FIP1L1: variants seen among roughly 807,000 people sequenced by gnomAD.
FIP1L1 encodes the protein factor interacting with PAPOLA and CPSF1.
Under a neutral mutation model 84.6 loss-of-function variants are expected in FIP1L1, and 21 were observed. The observed-to-expected ratio is 0.25, with a 90% CI of 0.18 to 0.36. The LOEUF (loss-of-function observed/expected upper bound fraction) is 0.36, where lower values mean the gene tolerates loss of function less well. Among genes scored for constraint, FIP1L1 ranks in the 10% least tolerant of loss-of-function variants. FIP1L1 has a pLI of 1.00. For missense variants in FIP1L1, 526 were observed against 751.1 expected (o/e 0.70, Z 3.50); for synonymous variants, 263 against 242.3 (o/e 1.09, Z -0.80).
chr4:53,379,744 T>A (rs1736779254), intron 3 of FIP1L1, among the ~76,000 whole-genome samples: 1 of 152,230 alleles, frequency 6.6e-6, no homozygotes, highest in Admixed American at 6.5e-5. Context: ...GTTATAAGGT[T>A]GATTTCTTTG....
chr4:53,401,818 G>A (rs148851401), intron 10 of FIP1L1, among the ~76,000 whole-genome samples: 1 of 152,318 alleles, frequency 6.6e-6, no homozygotes, highest in African/African-American at 2.4e-5. Context: ...GGAAATTTGA[G>A]TAGGAAGTTG....
chr4:53,446,298 A>T (rs764459696), intron 15 of FIP1L1, among the ~76,000 whole-genome samples: 1 of 152,166 alleles, frequency 6.6e-6, no homozygotes, highest in South Asian at 2.1e-4. Context: ...TCAGCCATTA[A>T]ATGGACAGCT....
At chr4:53,432,421 A>G (rs1471766692) in intron 13 of FIP1L1, among the ~76,000 whole-genome samples, 141 of 135,586 alleles carry the variant, frequency 1.0e-3, no homozygotes, top group African/African-American at 2.6e-3. Flanking sequence ...AAAAAAAAAA[A>G]AAAGAAAGAA....
At chr4:53,420,125 G>C (rs1387561973) in intron 11 of FIP1L1, among the ~76,000 whole-genome samples, 2 of 148,662 alleles carry the variant, frequency 1.3e-5, no homozygotes, top group East Asian at 4.0e-4. Flanking sequence ...GTGAACCCGG[G>C]AGGCGGAGCT....
intron 6 of FIP1L1, 67 bp downstream of exon 6, chr4:53,389,940 G>A: frequency 1.6e-6 from 2 of 1,258,522 alleles, no homozygotes; most frequent in Non-Finnish European, 2.2e-6. Context: ...GGTCTTAATA[G>A]CTTTTTTTTT....
chr4:53,439,546 G>T (rs1400175874), intron 13 of FIP1L1, among the ~76,000 whole-genome samples: 1 of 151,804 alleles, frequency 6.6e-6, no homozygotes, highest in Non-Finnish European at 1.5e-5. Context: ...AAACAATTCT[G>T]TTTCTTTTTT....
intron 13 of FIP1L1, among the ~76,000 whole-genome samples, chr4:53,429,282 A>G (rs1765577253): frequency 6.6e-6 from 1 of 152,230 alleles, no homozygotes; most frequent in Non-Finnish European, 1.5e-5. Context: ...AGAGGTTGGA[A>G]TATAGGTTAG....
At chr4:53,410,978 G>T (rs1055478377) in intron 10 of FIP1L1, among the ~76,000 whole-genome samples, 1 of 152,150 alleles carries the variant, frequency 6.6e-6, no homozygotes. Context: ...AGGTGGGGGG[G>T]GCTGCTGTAT....
chr4:53,447,205 A>G (rs2150315017), intron 15 of FIP1L1, among the ~76,000 whole-genome samples: 1 of 152,148 alleles, frequency 6.6e-6, no homozygotes. Flanking sequence ...TATAACTTAC[A>G]TACCATCTGT....
chr4:53,442,798 A>T, intron 14 of FIP1L1, 91 bp downstream of exon 14: 1 of 719,832 alleles, frequency 1.4e-6, no homozygotes, highest in South Asian at 1.8e-5. Flanking sequence ...ATTTAATTTT[A>T]TAAACACAGC....
At chr4:53,396,510 A>G (rs533549460) in intron 9 of FIP1L1, among the ~76,000 whole-genome samples, 2 of 152,150 alleles carry the variant, frequency 1.3e-5, no homozygotes, top group Non-Finnish European at 2.9e-5. Context: ...GGTTCAAGCA[A>G]TTCTCTTGCC....
At chr4:53,383,911 A>G (rs746981535) in intron 5 of FIP1L1, 35 bp downstream of exon 5, 1 of 1,598,442 alleles carries the variant, frequency 6.3e-7, no homozygotes, top group South Asian at 1.1e-5. Flanking sequence ...AATTGTGTAA[A>G]TGCTATATAG....
chr4:53,417,382 C>T (rs1467570880), intron 11 of FIP1L1, among the ~76,000 whole-genome samples: 1 of 152,054 alleles, frequency 6.6e-6, no homozygotes, highest in Non-Finnish European at 1.5e-5. Flanking sequence ...TGGCTCATGC[C>T]TGTAATCCCA....
Position 53,453,149 on chromosome 4 carries a change from AGGAGTTT to A in FIP1L1, c.1499+17_1499+23del. ...TTTTCAACAGGTTTGTTGGGTGTGC[AGGAGTTT>A]ATACTATGTATTTTATAAGCACTTA... On this transcript the variant is annotated intron_variant, in intron 16 of 17. Coordinates refer to ENST00000337488, the MANE Select transcript of FIP1L1 (RefSeq NM_030917.4). 1 of 1,613,820 alleles carries A rather than the reference AGGAGTTT, an allele frequency of 6.2e-7. No homozygotes were observed. The highest frequency in any genetic ancestry group is 8.5e-7 in the Non-Finnish European group (1 of 1,179,842).
chr4:53,458,187 G>C (rs1281561519), intron 16 of FIP1L1, among the ~76,000 whole-genome samples: 1 of 152,048 alleles, frequency 6.6e-6, no homozygotes, highest in Non-Finnish European at 1.5e-5. Flanking sequence ...CTGTTTTGTA[G>C]TAATTGTGAG....
chr4:53,407,815 A>C (rs534770877), intron 10 of FIP1L1, among the ~76,000 whole-genome samples: 1 of 151,380 alleles, frequency 6.6e-6, no homozygotes, highest in Non-Finnish European at 1.5e-5. Context: ...TAGGACTGCA[A>C]CCCCTGCCTT....
intron 3 of FIP1L1, 79 bp from the exon 4 acceptor site, chr4:53,382,199 G>T (rs1738453071): frequency 1.0e-6 from 1 of 992,366 alleles, no homozygotes; most frequent in South Asian, 1.4e-5. Context: ...CTTTATTAAA[G>T]CTTAGAAATA....
intron 16 of FIP1L1, among the ~76,000 whole-genome samples, chr4:53,456,418 G>C (rs2150448603): frequency 6.6e-6 from 1 of 152,190 alleles, no homozygotes; most frequent in East Asian, 1.9e-4. Flanking sequence ...ACCTAAATTT[G>C]ACTAAAATGT....
chr4:53,455,772 G>A (rs769968061), intron 16 of FIP1L1, among the ~76,000 whole-genome samples: 3 of 152,012 alleles, frequency 2.0e-5, no homozygotes, highest in Non-Finnish European at 2.9e-5. Context: ...TTGTCAAGCT[G>A]TCTAGGACTG....
Sources: allele counts gnomAD v4.1 joint callset (sites outside exome capture counted in the v4.1 genomes callset), GRCh38; gene constraint gnomAD v4.1.1; transcripts MANE v1.5; gene names NCBI Gene and HGNC (gene_info 2026-07-23, HGNC 2026-07-21).